USP25: variants seen among roughly 807,000 people sequenced by gnomAD.
The protein encoded by USP25 is ubiquitin carboxyl-terminal hydrolase 25.
Under a neutral mutation model 158.5 loss-of-function variants are expected in USP25, and 85 were observed. The ratio of observed to expected loss-of-function variants is 0.54; its 90% CI spans 0.45 to 0.64. The LOEUF (loss-of-function observed/expected upper bound fraction) is 0.64. Among genes scored for constraint, USP25 ranks in the 30% least tolerant of loss-of-function variants. The pLI is 0.00. For synonymous variants in USP25, 464 were observed against 460.4 expected, an observed-to-expected ratio of 1.01 and a Z score of -0.10; for missense variants, 1,242 against 1,327.3, an observed-to-expected ratio of 0.94 and a Z score of 1.00.
intron 21 of USP25, among the ~76,000 whole-genome samples, chr21:15,864,896 G>A (rs78706595): frequency 0.051 from 7,692 of 152,096 alleles, 221 homozygotes; most frequent in East Asian, 0.075. Flanking sequence ...ATAACTCCTA[G>A]GGGAGCAAAG....
chr21:15,747,480 A>T (rs983641753), intron 1 of USP25, among the ~76,000 whole-genome samples: 5 of 152,002 alleles, frequency 3.3e-5, no homozygotes, highest in Non-Finnish European at 5.9e-5. Context: ...TATATAGTAC[A>T]TATAGTTTTT....
In USP25 at chr21:15,878,599, A is replaced by G; in HGVS notation, c.*124A>G. On this transcript the variant is annotated 3_prime_UTR_variant, in exon 26 of 26. Coordinates refer to ENST00000400183, the MANE Select transcript of USP25 (RefSeq NM_001283041.3). The stretch of plus-strand genomic sequence containing the variant: ...CTTTTTTTTATTTTAATAACTGCAA[A>G]AGACAAAATGACTATACAGACTTTA... 9.4e-7 allele frequency: 1 copy of G among 1,060,030 alleles called. No individual in the cohort carries two copies. Among genetic ancestry groups the G allele is most frequent in the Non-Finnish European group, 1.3e-6 (1 of 774,884 alleles). The allele number at this position is 1,060,030 out of a possible 1,614,324, so 65.7% of individuals were successfully genotyped here. A position where few individuals can be genotyped will look rare whatever the true frequency, so the allele number is the denominator to read the frequency against.
chr21:15,823,950 A>G (rs2037363810), intron 10 of USP25, 89 bp from the exon 11 acceptor site: 1 of 1,317,986 alleles, frequency 7.6e-7, no homozygotes, highest in Non-Finnish European at 1.0e-6. Flanking sequence ...ACATATAACA[A>G]TGTCAGTGCC....
rs79505875 is a variant in USP25, at chr21:15,868,076, A to G, written c.2805+1732A>G. 2.0e-5 allele frequency among the ~76,000 whole-genome samples: 3 copies of G among 152,324 alleles called. No individual in the cohort carries two copies. In the East Asian group the frequency reaches 5.8e-4, roughly 29 times the overall value. ...TCTGACAAGCAAGTTAGTGAACAGT[A>G]TAAAGACTTTTTAATAAATGGTTCT... On this transcript the variant is annotated intron_variant, in intron 22 of 25. Transcript: ENST00000400183.
intron 7 of USP25, among the ~76,000 whole-genome samples, chr21:15,806,311 A>G (rs1334874064): frequency 6.6e-6 from 1 of 151,828 alleles, no homozygotes. Context: ...CTTCTTTAGT[A>G]TGCATAGTAT....
At chr21:15,750,181 CGTGTGTGTGT>C (rs367779613) in intron 1 of USP25, among the ~76,000 whole-genome samples, 27 of 126,930 alleles carry the variant, frequency 2.1e-4, no homozygotes, top group East Asian at 4.3e-4. Context: ...TCTCCAGTGC[CGTGTGTGTGT>C]GTGTGTGTGT....
chr21:15,813,197 T>A (rs2036761849), intron 9 of USP25, among the ~76,000 whole-genome samples: 1 of 152,178 alleles, frequency 6.6e-6, no homozygotes, highest in African/African-American at 2.4e-5. Flanking sequence ...TAACCCAACT[T>A]GTTCTGTGTA....
At chr21:15,825,955 A>G (rs934152930) in intron 12 of USP25, among the ~76,000 whole-genome samples, 4 of 152,134 alleles carry the variant, frequency 2.6e-5, no homozygotes, top group Admixed American at 2.0e-4. Context: ...ACAATTTAGA[A>G]CAGCATTTAC....
At chr21:15,821,312 T>C (rs1172339249) in intron 10 of USP25, among the ~76,000 whole-genome samples, 1 of 152,018 alleles carries the variant, frequency 6.6e-6, no homozygotes, top group Non-Finnish European at 1.5e-5. Flanking sequence ...TCACATAGTC[T>C]GTATTTATAA....
At chr21:15,876,452 A>G (rs937517400) in intron 24 of USP25, 3 of 152,892 alleles carry the variant, frequency 2.0e-5, no homozygotes, top group African/African-American at 4.8e-5. Context: ...AAAGAGGTTT[A>G]ACTGACTCAC....
At chr21:15,737,184 T>A (rs928825912) in intron 1 of USP25, among the ~76,000 whole-genome samples, 7 of 152,284 alleles carry the variant, frequency 4.6e-5, no homozygotes, top group South Asian at 4.1e-4. Flanking sequence ...CATTTTGTCC[T>A]GTATGCTGTG....
At chr21:15,733,126 A>T (rs1268767764) in intron 1 of USP25, among the ~76,000 whole-genome samples, 1 of 34,142 alleles carries the variant, frequency 2.9e-5, no homozygotes, top group Admixed American at 5.2e-4. Flanking sequence ...AGGATACTCC[A>T]CGGCGCCCCC....
intron 1 of USP25, among the ~76,000 whole-genome samples, chr21:15,758,613 C>CTG (rs1473833030): frequency 1.3e-5 from 2 of 152,078 alleles, no homozygotes; most frequent in African/African-American, 4.8e-5. Context: ...GTGTATTAGT[C>CTG]TGTTCTCATG....
intron 1 of USP25, among the ~76,000 whole-genome samples, chr21:15,750,591 T>C (rs533516350): frequency 3.2e-4 from 49 of 151,596 alleles, no homozygotes; most frequent in Non-Finnish European, 5.5e-4. Context: ...TCAGCGTATA[T>C]GGTTAACTTT....
intron 9 of USP25, among the ~76,000 whole-genome samples, chr21:15,811,751 G>C (rs2036670929): frequency 6.6e-6 from 1 of 152,110 alleles, no homozygotes; most frequent in Non-Finnish European, 1.5e-5. Context: ...CTTAAAATTT[G>C]GCCTAAGTAG....
intron 1 of USP25, among the ~76,000 whole-genome samples, chr21:15,740,202 G>T (rs1325826257): frequency 6.6e-6 from 1 of 152,222 alleles, no homozygotes; most frequent in Non-Finnish European, 1.5e-5. Context: ...TGAGGGTTGG[G>T]CTAAAGCCTG....
rs951731452 is a variant in USP25, at chr21:15,864,587, A to G, written c.2726+141A>G. 1.8e-5 allele frequency: 13 copies of G among 739,824 alleles called. No individual in the cohort carries two copies. In the Admixed American group the frequency reaches 2.5e-4, roughly 14 times the overall value. The allele number at this position is 739,824 out of a possible 1,614,324, so 45.8% of individuals were successfully genotyped here. ...AAATACGTAACAAAATTTGAACTCA[A>G]TGTGACTAGTTGCTGGAGTCTGTGG... On this transcript the variant is annotated intron_variant, in intron 21 of 25. Coordinates refer to ENST00000400183, the MANE Select transcript of USP25 (RefSeq NM_001283041.3).
At chr21:15,768,972 T>C (rs1211409104) in intron 3 of USP25, among the ~76,000 whole-genome samples, 2 of 152,112 alleles carry the variant, frequency 1.3e-5, no homozygotes, top group African/African-American at 2.4e-5. Flanking sequence ...CAAATACATA[T>C]ACCTCTTTGT....
chr21:15,780,355 C>A (rs2034896090), intron 4 of USP25, among the ~76,000 whole-genome samples: 1 of 152,078 alleles, frequency 6.6e-6, no homozygotes, highest in Non-Finnish European at 1.5e-5. Context: ...TCTTTATACA[C>A]TTTTTAGTGT....
Sources: allele counts gnomAD v4.1 joint callset (sites outside exome capture counted in the v4.1 genomes callset), GRCh38; gene constraint gnomAD v4.1.1; transcripts MANE v1.5; gene names NCBI Gene and HGNC (gene_info 2026-07-23, HGNC 2026-07-21).